Variants in PIAS4 observed in about 807,000 individuals in gnomAD.
PIAS4 encodes E3 SUMO-protein ligase PIAS4.
A neutral mutation model predicts 58.0 loss-of-function variants in PIAS4; 7 were observed. The observed-to-expected ratio is 0.12, with a 90% CI of 0.07 to 0.23. The LOEUF is 0.23. PIAS4 is among the 10% of genes least tolerant of loss of function. PIAS4 has a pLI of 1.00. For missense variants in PIAS4, 550 were observed against 709.5 expected (o/e 0.78, Z 2.55); for synonymous variants, 364 against 312.4 (o/e 1.17, Z -1.74).
At chr19:4,036,303 T>G (rs111219941) in intron 9 of PIAS4, among the ~76,000 whole-genome samples, 2 of 67,374 alleles carry the variant, frequency 3.0e-5, no homozygotes, top group Admixed American at 1.9e-4. Context: ...CACACACATC[T>G]ATACAGTCCA....
chr19:4,037,346 C>T lies in PIAS4; in HGVS notation c.1143-28C>T, dbSNP rs771836851. On this transcript the variant is annotated intron_variant, in intron 9 of 10. Coordinates refer to ENST00000262971, the MANE Select transcript of PIAS4 (RefSeq NM_015897.4). The surrounding 1 kb of genome is among the most constrained non-coding windows in gnomAD (Gnocchi z 5.8). ...TTGGGGGGGTGGGGCACCTCCAGCC[C>T]CGGCGTCAGCTGTCCGCCTCGCCCC... The T allele has an allele frequency of 5.7e-6, 9 of 1,583,974 alleles. No individual in the cohort carries two copies. In the South Asian group the frequency reaches 1.0e-4, roughly 18 times the overall value.
chr19:4,028,695 G>C, intron 5 of PIAS4, 25 bp from the exon 6 acceptor site: 1 of 1,604,424 alleles, frequency 6.2e-7, no homozygotes, highest in Non-Finnish European at 8.5e-7. Flanking sequence ...CTTGGCTCGA[G>C]GCTGAGCGGC....
intron 2 of PIAS4, among the ~76,000 whole-genome samples, chr19:4,017,185 G>C (rs1417996784): frequency 1.3e-5 from 2 of 152,206 alleles, no homozygotes; most frequent in Middle Eastern, 3.4e-3. Flanking sequence ...CGCCAGCTCT[G>C]CCCCAGGTCT....
chr19:4,017,079 C>T (rs919507805), intron 2 of PIAS4, among the ~76,000 whole-genome samples: 16 of 152,182 alleles, frequency 1.1e-4, no homozygotes, highest in African/African-American at 1.9e-4. Context: ...TGGATGGGCA[C>T]GGAGCGTCCT....
chr19:4,027,131 C>T (rs550148127), intron 3 of PIAS4, among the ~76,000 whole-genome samples: 16 of 152,252 alleles, frequency 1.1e-4, no homozygotes, highest in African/African-American at 3.1e-4. Context: ...GGATTACAGG[C>T]GTGAGCCACT....
At chr19:4,031,802 A>C (rs2040225429) in intron 7 of PIAS4, among the ~76,000 whole-genome samples, 1 of 151,968 alleles carries the variant, frequency 6.6e-6, no homozygotes, top group African/African-American at 2.4e-5. Flanking sequence ...CCTCACTTGA[A>C]CCCTTCCTGC....
intron 2 of PIAS4, among the ~76,000 whole-genome samples, chr19:4,019,652 T>C (rs2040088904): frequency 6.6e-6 from 1 of 152,204 alleles, no homozygotes; most frequent in Admixed American, 6.5e-5. Flanking sequence ...CCTGGGCGCG[T>C]CTGCAGGTGG....
chr19:4,033,276 G>C lies in PIAS4; in HGVS notation c.981+103G>C, dbSNP rs1018664556. On this transcript the variant is annotated intron_variant, in intron 8 of 10. Transcript: ENST00000262971. Reference sequence around the variant, plus strand: ...GGCTTGGCTGGGCCGTGAGCCTGCGGGGGCGAGGCTGGTCTTCGTCCCCTC... The same window carrying C: ...GGCTTGGCTGGGCCGTGAGCCTGCGCGGGCGAGGCTGGTCTTCGTCCCCTC... 5.1e-6 allele frequency: 7 copies of C among 1,370,070 alleles called. No individual in the cohort carries two copies. The African/African-American group carries it at 1.0e-4, about 20-fold the overall frequency. 84.9% of individuals were successfully genotyped at this position (1,370,070 alleles called of 1,614,324 possible). A position where few individuals can be genotyped will look rare whatever the true frequency, so the allele number is the denominator to read the frequency against.
chr19:4,031,367 A>C (rs1302505488), intron 7 of PIAS4, among the ~76,000 whole-genome samples: 1 of 152,142 alleles, frequency 6.6e-6, no homozygotes, highest in East Asian at 1.9e-4. Context: ...GGGTCCCTCC[A>C]CGGAGTCCGG....
chr19:4,035,414 G>A (rs1233440573), intron 9 of PIAS4, among the ~76,000 whole-genome samples: 2 of 152,124 alleles, frequency 1.3e-5, no homozygotes, highest in African/African-American at 4.8e-5. Flanking sequence ...GGGTTGGGGA[G>A]CAGAACCAGG....
intron 2 of PIAS4, among the ~76,000 whole-genome samples, chr19:4,023,739 G>A (rs1001334739): frequency 6.6e-5 from 10 of 152,314 alleles, no homozygotes; most frequent in South Asian, 6.2e-4. Context: ...CAGGCAGCTC[G>A]GCACTTTTCG....
At chr19:4,030,383 G>A (rs1599229539) in intron 7 of PIAS4, among the ~76,000 whole-genome samples, 1 of 151,936 alleles carries the variant, frequency 6.6e-6, no homozygotes, top group East Asian at 2.0e-4. Context: ...ACTTTGGGAG[G>A]CCGAGGCGGG....
chr19:4,007,957 C>T (rs2039959018), intron 1 of PIAS4, among the ~76,000 whole-genome samples, 170 bp downstream of exon 1: 1 of 150,182 alleles, frequency 6.7e-6, no homozygotes, highest in African/African-American at 2.4e-5. Context: ...GGGCGGGGGG[C>T]GGGGAGGCCG....
intron 9 of PIAS4, among the ~76,000 whole-genome samples, chr19:4,036,603 CAT>C (rs1439368452): frequency 2.7e-5 from 4 of 146,270 alleles, no homozygotes; most frequent in African/African-American, 1.1e-4. Flanking sequence ...TACACACACA[CAT>C]CTATACAGTC....
In PIAS4 at chr19:4,037,809, G is replaced by A; in HGVS notation, c.1467G>A (p.Glu489=). 1.3e-6 allele frequency: 2 copies of A among 1,583,926 alleles called. No homozygotes were observed. The highest frequency in any genetic ancestry group is 1.7e-6 in the Non-Finnish European group (2 of 1,165,582). Residue 489 remains glutamate, a synonymous_variant, in exon 11 of 11, where the codon GAG becomes GAA. Coordinates refer to ENST00000262971, the MANE Select transcript of PIAS4 (RefSeq NM_015897.4). This position sits in a 1 kb window ranked among gnomAD's most constrained non-coding sequence, Gnocchi z 5.8. The part of the protein sequence containing the change: ...EEEEEEEEED[E]DEEGPRPKRR... ...AGGAGGAAGAGGAGGAGGAAGACGA[G>A]GACGAAGAGGGGCCCCGGCCCAAGC...
At chr19:4,018,009 G>A (rs1261014326) in intron 2 of PIAS4, among the ~76,000 whole-genome samples, 2 of 151,816 alleles carry the variant, frequency 1.3e-5, no homozygotes, top group Non-Finnish European at 2.9e-5. Flanking sequence ...ACGGGGTTTC[G>A]TCATGTTGAC....
chr19:4,025,044 G>C (rs1447731869), intron 3 of PIAS4, among the ~76,000 whole-genome samples: 1 of 152,230 alleles, frequency 6.6e-6, no homozygotes, highest in African/African-American at 2.4e-5. Flanking sequence ...GATTACAGGC[G>C]TGAGCCACTG....
rs192565986 is a variant in PIAS4, at chr19:4,013,456, A to G, written c.454+107A>G. 5.4e-4 allele frequency: 571 copies of G among 1,051,608 alleles called. 1 individual carries two copies. The African/African-American group carries it at 7.6e-3, about 14-fold the overall frequency. 65.1% of individuals were successfully genotyped at this position (1,051,608 alleles called of 1,614,324 possible). ...CTTCGAGTGATGTTCTCTGTGGCGC[A>G]GCCAGGGCGGGGAGCCACAGTGGCC... On this transcript the variant is annotated intron_variant, in intron 2 of 10. Transcript: ENST00000262971. This position sits in a 1 kb window ranked among gnomAD's most constrained non-coding sequence, Gnocchi z 5.1.
At position 4,037,982 on chromosome 19, in the gene PIAS4, C is replaced by A; in HGVS notation, c.*107C>A. ...CTTTCTTTTTCTTTTTATTGTCGTT[C>A]GTTTTGTTTTTCCACCCTTTTGCCT... On this transcript the variant is annotated 3_prime_UTR_variant, in exon 11 of 11. Coordinates refer to ENST00000262971, the MANE Select transcript of PIAS4 (RefSeq NM_015897.4). This position sits in a 1 kb window ranked among gnomAD's most constrained non-coding sequence, Gnocchi z 5.8. 1.1e-5 allele frequency: 14 copies of A among 1,271,336 alleles called. No homozygotes were observed. The highest frequency in any genetic ancestry group is 1.5e-5 in the Non-Finnish European group (14 of 935,074). The allele number at this position is 1,271,336 out of a possible 1,614,324, so 78.8% of individuals were successfully genotyped here.
Sources: gnomAD v4.1 joint callset for allele counts (sites outside exome capture counted in the v4.1 genomes callset) on GRCh38, gnomAD v4.1.1 for gene constraint, Gnocchi (gnomAD v3.1) non-coding constraint, MANE v1.5 for transcripts, NCBI Gene and HGNC (gene_info 2026-07-23, HGNC 2026-07-21) for gene names.